SPON1: variants seen among roughly 807,000 people sequenced by gnomAD.
SPON1 encodes spondin 1.
SPON1 carries 52 observed loss-of-function variants against 111.7 expected under a neutral mutation model. The ratio of observed to expected loss-of-function variants is 0.47; its 90% CI spans 0.37 to 0.59. The LOEUF (loss-of-function observed/expected upper bound fraction) is 0.59. Among genes scored for constraint, SPON1 ranks in the 20% least tolerant of loss-of-function variants. The probability of loss-of-function intolerance (pLI) is 0.00; values close to 1 mark genes in which losing one functional copy is unlikely to be tolerated. For missense variants in SPON1, 957 were observed against 1,068.5 expected, an observed-to-expected ratio of 0.90 and a Z score of 1.46; for synonymous variants, 410 against 395.8, an observed-to-expected ratio of 1.04 and a Z score of -0.43.
chr11:14,200,028 CT>C (rs1848444809), intron 6 of SPON1, among the ~76,000 whole-genome samples: 2 of 152,188 alleles, frequency 1.3e-5, no homozygotes, highest in South Asian at 4.1e-4. Context: ...TCCTTGAATA[CT>C]TTCCCCCCAC....
At chr11:14,203,363 G>T (rs1157985460) in intron 6 of SPON1, among the ~76,000 whole-genome samples, 15 of 152,206 alleles carry the variant, frequency 9.9e-5, no homozygotes, top group Admixed American at 9.2e-4. Context: ...ACTGGGTCTT[G>T]TCGTTAGGTG....
intron 2 of SPON1, among the ~76,000 whole-genome samples, chr11:13,996,565 T>C (rs1490032817): frequency 1.3e-5 from 2 of 152,224 alleles, no homozygotes; most frequent in Non-Finnish European, 2.9e-5. Flanking sequence ...ACTTGTGTTT[T>C]GTGTTATAAA....
chr11:14,239,453 C>T (rs1438640112), intron 6 of SPON1, among the ~76,000 whole-genome samples: 1 of 152,070 alleles, frequency 6.6e-6, no homozygotes, highest in Non-Finnish European at 1.5e-5. Context: ...TGGCAGGGCA[C>T]GGTGGCTCAC....
intron 15 of SPON1, among the ~76,000 whole-genome samples, chr11:14,264,130 G>A (rs1849228871): frequency 6.6e-6 from 1 of 152,046 alleles, no homozygotes; most frequent in African/African-American, 2.4e-5. Context: ...CAAGTGATAG[G>A]TCCAAGTGAT....
chr11:14,061,543 A>G (rs1429539891), intron 3 of SPON1, among the ~76,000 whole-genome samples: 9 of 152,230 alleles, frequency 5.9e-5, no homozygotes, highest in African/African-American at 1.7e-4. Flanking sequence ...ATTAGCATTA[A>G]GCCAAACAAT....
intron 2 of SPON1, among the ~76,000 whole-genome samples, chr11:14,030,182 C>T (rs1242420255): frequency 6.6e-6 from 1 of 152,222 alleles, no homozygotes; most frequent in African/African-American, 2.4e-5. Context: ...CCACGCAGCA[C>T]TCAGCCTATC....
intron 5 of SPON1, among the ~76,000 whole-genome samples, chr11:14,112,960 C>T (rs1168497241): frequency 6.6e-6 from 1 of 152,218 alleles, no homozygotes; most frequent in East Asian, 1.9e-4. Context: ...GGCCTGCCTG[C>T]TCATCCCAAT....
chr11:14,091,280 ACC>A (rs1554923304), intron 5 of SPON1, among the ~76,000 whole-genome samples: 1 of 152,208 alleles, frequency 6.6e-6, no homozygotes, highest in African/African-American at 2.4e-5. Context: ...TGGATCCCGC[ACC>A]GGGGCTGCAG....
At chr11:14,173,245 G>A (rs144665779) in intron 6 of SPON1, among the ~76,000 whole-genome samples, 29,779 of 149,986 alleles carry the variant, frequency 0.2, 3,242 homozygotes, top group Admixed American at 0.27. Flanking sequence ...CATTCATTTC[G>A]TCTTCCATCG....
intron 3 of SPON1, among the ~76,000 whole-genome samples, chr11:14,052,918 C>A (rs1362407118): frequency 6.6e-6 from 1 of 152,162 alleles, no homozygotes; most frequent in Admixed American, 6.5e-5. Context: ...TAAAGCACTG[C>A]CAGATTGCAC....
chr11:13,962,971 C>A lies in SPON1; in HGVS notation c.67C>A (p.Leu23Met). 1 of 1,593,328 alleles carries A rather than the reference C, an allele frequency of 6.3e-7. No individual in the cohort carries two copies. The change falls in exon 1 of 16, where the codon CTG becomes ATG. Residue 23 changes from leucine (L) to methionine (M), a missense_variant. Coordinates refer to ENST00000576479, the MANE Select transcript of SPON1 (RefSeq NM_006108.4). ...TPALLALALP[L>M]AAALAFSDET... ...GGCACTGCTGGCCCTGGCGCTGCCC[C>A]TGGCCGCGGCGCTGGCCTTCTCCGA...
At chr11:13,968,536 A>G (rs1848037251) in intron 1 of SPON1, among the ~76,000 whole-genome samples, 1 of 152,266 alleles carries the variant, frequency 6.6e-6, no homozygotes, top group South Asian at 2.1e-4. Flanking sequence ...ATAATTGTAT[A>G]AAGTAAAATA....
intron 2 of SPON1, among the ~76,000 whole-genome samples, chr11:13,988,224 G>T (rs1201298187): frequency 6.6e-6 from 1 of 151,834 alleles, no homozygotes; most frequent in African/African-American, 2.4e-5. Context: ...CCTCTCTTTT[G>T]TCCTTGAGCA....
chr11:14,176,472 A>G (rs11602192), intron 6 of SPON1, among the ~76,000 whole-genome samples: 126,546 of 151,918 alleles, frequency 0.83, 52,816 homozygotes, highest in African/African-American at 0.88. Context: ...ATCCCATGGT[A>G]GAGCTACAAA....
At chr11:14,171,714 A>G (rs1408063413) in intron 6 of SPON1, among the ~76,000 whole-genome samples, 1 of 152,082 alleles carries the variant, frequency 6.6e-6, no homozygotes, top group African/African-American at 2.4e-5. Context: ...TTGGTTTCAA[A>G]GAACATCTTT....
At chr11:14,087,863 T>C (rs7128975) in intron 5 of SPON1, among the ~76,000 whole-genome samples, 144 of 152,350 alleles carry the variant, frequency 9.5e-4, no homozygotes, top group African/African-American at 3.3e-3. Flanking sequence ...TTAGCTCTTC[T>C]TGTTGCATTG....
intron 6 of SPON1, among the ~76,000 whole-genome samples, chr11:14,184,975 G>A (rs1338582726): frequency 1.3e-5 from 2 of 152,166 alleles, no homozygotes; most frequent in Non-Finnish European, 2.9e-5. Context: ...ACACCATGAA[G>A]AACCCAAACT....
intron 7 of SPON1, 143 bp downstream of exon 7, chr11:14,243,539 T>C (rs1040181691): frequency 6.1e-5 from 44 of 724,408 alleles, no homozygotes; most frequent in Non-Finnish European, 9.4e-5. Context: ...GCTTTCTATG[T>C]GCAGAGCATC....
intron 6 of SPON1, among the ~76,000 whole-genome samples, chr11:14,209,621 A>G (rs1564931644): frequency 6.6e-6 from 1 of 152,154 alleles, no homozygotes; most frequent in African/African-American, 2.4e-5. Flanking sequence ...ATAGTATTCC[A>G]TGGTGTATAT....
Sources: gnomAD v4.1 joint callset for allele counts (sites outside exome capture counted in the v4.1 genomes callset) on GRCh38, gnomAD v4.1.1 for gene constraint, MANE v1.5 for transcripts, NCBI Gene and HGNC (gene_info 2026-07-23, HGNC 2026-07-21) for gene names.